The following PIK3R6 variants were observed in gnomAD, a reference collection of about 807,000 sequenced individuals.
PIK3R6 encodes phosphoinositide 3-kinase regulatory subunit 6.
PIK3R6 carries 91 observed loss-of-function variants against 84.9 expected under a neutral mutation model. The ratio of observed to expected loss-of-function variants is 1.07; its 90% CI spans 0.90 to 1.28. The LOEUF (loss-of-function observed/expected upper bound fraction) is 1.28, where lower values mean the gene tolerates loss of function less well. Ranked by LOEUF, PIK3R6 falls within the 50% of genes most tolerant of loss-of-function variation. The pLI, the probability that PIK3R6 is intolerant of heterozygous loss-of-function variation, is 0.00. For synonymous variants in PIK3R6, 416 were observed against 411.4 expected, an observed-to-expected ratio of 1.01 and a Z score of -0.13; for missense variants, 996 against 985.1, an observed-to-expected ratio of 1.01 and a Z score of -0.15.
At chr17:8,851,399 G>C (rs1220460164) in intron 1 of PIK3R6, among the ~76,000 whole-genome samples, 1 of 144,788 alleles carries the variant, frequency 6.9e-6, no homozygotes, top group Non-Finnish European at 1.5e-5. Flanking sequence ...GGGAGGCTGG[G>C]GCAGGAGAAT....
chr17:8,856,295 G>GT (rs746046432), intron 1 of PIK3R6, among the ~76,000 whole-genome samples: 6 of 152,150 alleles, frequency 3.9e-5, no homozygotes, highest in Non-Finnish European at 8.8e-5. Flanking sequence ...TGCAAACAAT[G>GT]TTACTGTATC....
intron 18 of PIK3R6, among the ~76,000 whole-genome samples, chr17:8,815,429 C>G (rs2087500149): frequency 6.6e-6 from 1 of 151,416 alleles, no homozygotes; most frequent in African/African-American, 2.4e-5. Flanking sequence ...TCGCTTGAAC[C>G]TGAGAGGCAG....
intron 5 of PIK3R6, 52 bp downstream of exon 5, chr17:8,837,751 C>A: frequency 6.7e-7 from 1 of 1,500,914 alleles, no homozygotes. Context: ...GAGTGTCCAG[C>A]CCAGCCACAT....
At chr17:8,856,112 G>A (rs1010404063) in intron 1 of PIK3R6, among the ~76,000 whole-genome samples, 1 of 152,120 alleles carries the variant, frequency 6.6e-6, no homozygotes, top group Non-Finnish European at 1.5e-5. Context: ...TTCTAGAAAC[G>A]AAAATAAAAA....
intron 15 of PIK3R6, 110 bp from the exon 16 acceptor site, chr17:8,822,767 A>T (rs948456517): frequency 1.7e-6 from 2 of 1,184,446 alleles, no homozygotes. Flanking sequence ...CCATCCATCC[A>T]TCTCCCTGGA....
In PIK3R6 at chr17:8,832,926, G is replaced by A; in HGVS notation, c.765C>T (p.Tyr255=). The change falls in exon 9 of 20, where the codon TAC becomes TAT. Residue 255 remains tyrosine, a synonymous_variant. Transcript: ENST00000619866. ...CCGCCGCGGGACCCAGCAGCGAGCAGTAAATCTCCTCCAGCCTCTCTACGT... is the reference window on the plus strand; with the variant it reads ...CCGCCGCGGGACCCAGCAGCGAGCAATAAATCTCCTCCAGCCTCTCTACGT... ...EGHVERLEEI[Y]CSLLGPAAGR... 1 of 1,612,934 alleles carries A rather than the reference G, an allele frequency of 6.2e-7. No homozygotes were observed. The highest frequency in any genetic ancestry group is 1.7e-5 in the Admixed American group (1 of 60,020).
intron 2 of PIK3R6, among the ~76,000 whole-genome samples, chr17:8,840,287 A>G (rs2088630429): frequency 2.0e-5 from 3 of 147,710 alleles, no homozygotes; most frequent in Admixed American, 6.9e-5. Flanking sequence ...TGAAATATAT[A>G]CAGCCTACAA....
At chr17:8,821,770 G>C in intron 17 of PIK3R6, 76 bp downstream of exon 17, 2 of 1,431,220 alleles carry the variant, frequency 1.4e-6, no homozygotes, top group Middle Eastern at 1.8e-4. Flanking sequence ...CCCTTCTCCT[G>C]CCACTCTGCC....
intron 10 of PIK3R6, 88 bp from the exon 11 acceptor site, chr17:8,829,078 C>T: frequency 7.9e-7 from 1 of 1,263,494 alleles, no homozygotes; most frequent in South Asian, 1.7e-5. Flanking sequence ...AGAGGATACA[C>T]ACACACAGAA....
chr17:8,831,328 T>TAAAAAAAAA, intron 9 of PIK3R6, among the ~76,000 whole-genome samples: 1 of 33,080 alleles, frequency 3.0e-5, no homozygotes. Flanking sequence ...AGACCCTGTC[T>TAAAAAAAAA]AAAAAAAAAA....
intron 1 of PIK3R6, among the ~76,000 whole-genome samples, chr17:8,853,212 G>T (rs780358383): frequency 1.3e-5 from 2 of 151,724 alleles, no homozygotes; most frequent in Non-Finnish European, 2.9e-5. Context: ...TAGGTGGGGC[G>T]CAGTAGCTCA....
chr17:8,840,971 C>T (rs891108452), intron 2 of PIK3R6, among the ~76,000 whole-genome samples: 11 of 151,932 alleles, frequency 7.2e-5, no homozygotes, highest in African/African-American at 2.4e-4. Flanking sequence ...CTAGGATGGT[C>T]TCAATCTCCT....
intron 1 of PIK3R6, among the ~76,000 whole-genome samples, chr17:8,851,025 T>C (rs1372242254): frequency 6.6e-6 from 1 of 152,002 alleles, no homozygotes; most frequent in African/African-American, 2.4e-5. Flanking sequence ...AATATCTACG[T>C]TATTTAATCT....
intron 2 of PIK3R6, 66 bp downstream of exon 2, chr17:8,849,716 C>T (rs1269429370): frequency 1.9e-6 from 3 of 1,543,782 alleles, no homozygotes; most frequent in African/African-American, 1.4e-5. Context: ...GCATCCTCAC[C>T]CATGAGAAGG....
At chr17:8,816,980 T>C (rs904208344) in intron 18 of PIK3R6, among the ~76,000 whole-genome samples, 3 of 152,226 alleles carry the variant, frequency 2.0e-5, no homozygotes, top group Admixed American at 1.3e-4. Flanking sequence ...CTTGTAATAG[T>C]GAAAAATGAG....
intron 1 of PIK3R6, among the ~76,000 whole-genome samples, chr17:8,851,747 C>T (rs2088977074): frequency 6.6e-6 from 1 of 152,150 alleles, no homozygotes; most frequent in African/African-American, 2.4e-5. Flanking sequence ...CATGATCTAA[C>T]AATTTCACTT....
chr17:8,804,002 C>T lies in PIK3R6; in HGVS notation c.2108+39G>A, dbSNP rs182115699. On this transcript the variant is annotated intron_variant, in intron 19 of 19. Coordinates refer to ENST00000619866, the MANE Select transcript of PIK3R6 (RefSeq NM_001010855.4). ...CTGGCTCCTGCTTCAGTTTGTCCCA[C>T]GGGCCCTGGACATCTAGGGTTGGCA... 1,005 of 1,548,786 alleles carry T rather than the reference C, an allele frequency of 6.5e-4. 1 individual carries two copies. The highest frequency in any genetic ancestry group is 8.4e-4 in the Non-Finnish European group (942 of 1,122,572).
In PIK3R6 at chr17:8,802,989, G is replaced by T; in HGVS notation, c.*284C>A. ...TGGGAGAGGACAGTGGGAGAAGTGG[G>T]AATTGAAGCTAAATGAAGGAGTAGA... On this transcript the variant is annotated 3_prime_UTR_variant, in exon 20 of 20. Transcript: ENST00000619866. The T allele has an allele frequency of 2.6e-6, 1 of 390,164 alleles. No individual in the cohort carries two copies. Among genetic ancestry groups the T allele is most frequent in the South Asian group, 2.7e-5 (1 of 36,678 alleles). 24.2% of individuals were successfully genotyped at this position (390,164 alleles called of 1,614,324 possible). A position where few individuals can be genotyped will look rare whatever the true frequency, so the allele number is the denominator to read the frequency against.
At chr17:8,804,369 A>G (rs2087137109) in intron 18 of PIK3R6, among the ~76,000 whole-genome samples, 1 of 152,040 alleles carries the variant, frequency 6.6e-6, no homozygotes, top group Non-Finnish European at 1.5e-5. Flanking sequence ...TTCTTTTCCC[A>G]GCCTGCCGTC....
Sources: gnomAD v4.1 joint callset for allele counts (sites outside exome capture counted in the v4.1 genomes callset) on GRCh38, gnomAD v4.1.1 for gene constraint, MANE v1.5 for transcripts, NCBI Gene and HGNC (gene_info 2026-07-23, HGNC 2026-07-21) for gene names.